SLC25A21: variants seen among roughly 807,000 people sequenced by gnomAD.
The protein encoded by SLC25A21 is solute carrier family 25 member 21, also known as mitochondrial 2-oxodicarboxylate carrier.
In SLC25A21, 47 loss-of-function variants were observed where a neutral mutation model predicts 43.8. The observed-to-expected ratio is 1.07, with a 90% CI of 0.85 to 1.37. The LOEUF (loss-of-function observed/expected upper bound fraction) is 1.37, where lower values mean the gene tolerates loss of function less well. SLC25A21 is among the 40% of genes most tolerant of loss of function. The pLI, the probability that SLC25A21 is intolerant of heterozygous loss-of-function variation, is 0.00. For synonymous variants in SLC25A21, 131 were observed against 121.3 expected, an observed-to-expected ratio of 1.08 and a Z score of -0.52; for missense variants, 352 against 350.2, an observed-to-expected ratio of 1.00 and a Z score of -0.04.
intron 3 of SLC25A21, among the ~76,000 whole-genome samples, chr14:36,735,783 G>A (rs956821178): frequency 1.5e-4 from 23 of 149,140 alleles, no homozygotes; most frequent in East Asian, 5.9e-4. Context: ...TGAGGGCAGC[G>A]CACCCTTTGG....
chr14:37,081,220 A>ATT (rs2138838469), intron 1 of SLC25A21, among the ~76,000 whole-genome samples: 1 of 152,356 alleles, frequency 6.6e-6, no homozygotes, highest in East Asian at 1.9e-4. Flanking sequence ...ATGTTACCTA[A>ATT]GTTAGAACAC....
chr14:36,851,569 C>A (rs958088034), intron 2 of SLC25A21, among the ~76,000 whole-genome samples: 1 of 152,022 alleles, frequency 6.6e-6, no homozygotes, highest in Non-Finnish European at 1.5e-5. Context: ...AATGTTATAT[C>A]CAGGTGTTGG....
intron 7 of SLC25A21, among the ~76,000 whole-genome samples, chr14:36,690,697 G>A (rs1290729182): frequency 1.3e-5 from 2 of 152,126 alleles, no homozygotes; most frequent in Non-Finnish European, 2.9e-5. Flanking sequence ...ACTGAAGTGG[G>A]GGTGTGAAAA....
chr14:37,035,132 T>C (rs1003165013), intron 1 of SLC25A21, among the ~76,000 whole-genome samples: 1 of 152,210 alleles, frequency 6.6e-6, no homozygotes, highest in Non-Finnish European at 1.5e-5. Flanking sequence ...CAGACACGCA[T>C]TTTTGGCAGT....
At chr14:36,892,885 T>C (rs1241069725) in intron 1 of SLC25A21, among the ~76,000 whole-genome samples, 5 of 152,174 alleles carry the variant, frequency 3.3e-5, no homozygotes, top group Admixed American at 2.6e-4. Flanking sequence ...AACTCATCCT[T>C]TTTTATGGCT....
chr14:36,936,282 T>C (rs75305837), intron 1 of SLC25A21, among the ~76,000 whole-genome samples: 7 of 152,274 alleles, frequency 4.6e-5, no homozygotes, highest in Non-Finnish European at 1.0e-4. Flanking sequence ...TGAGCTATTA[T>C]CTCATTAGGA....
chr14:37,000,478 CAG>C (rs929545256), intron 1 of SLC25A21, among the ~76,000 whole-genome samples: 13 of 152,188 alleles, frequency 8.5e-5, no homozygotes, highest in African/African-American at 3.1e-4. Context: ...GTTCCAGGCT[CAG>C]TGGCCTCCTT....
At chr14:37,001,002 C>T (rs536978367) in intron 1 of SLC25A21, among the ~76,000 whole-genome samples, 2 of 152,204 alleles carry the variant, frequency 1.3e-5, no homozygotes, top group African/African-American at 4.8e-5. Flanking sequence ...ACTAATACAC[C>T]TTCTCCGACC....
chr14:36,842,257 G>A lies in SLC25A21; in HGVS notation c.120-28256C>T, dbSNP rs1483244527. 3.3e-5 allele frequency among the ~76,000 whole-genome samples: 5 copies of A among 152,066 alleles called. No individual in the cohort carries two copies. The East Asian group carries it at 7.7e-4, about 24-fold the overall frequency. ...TAACCAATTCCCTGATTTTACCTGG[G>A]GCAATGATATGCCCCAGGGAAAAAT... is the stretch of plus-strand genomic sequence containing the variant. On this transcript the variant is annotated intron_variant, in intron 2 of 9. Coordinates refer to ENST00000331299, the MANE Select transcript of SLC25A21 (RefSeq NM_030631.4).
chr14:36,711,400 G>T lies in SLC25A21; in HGVS notation c.521C>A (p.Ala174Glu), dbSNP rs747776504. 3 of 1,614,044 alleles carry T rather than the reference G, an allele frequency of 1.9e-6. No individual in the cohort carries two copies. Among genetic ancestry groups the T allele is most frequent in the South Asian group, 2.2e-5 (2 of 91,082 alleles). The change falls in exon 7 of 10, where the codon GCA becomes GAA. Residue 174 changes from alanine to glutamate, a missense_variant. Ala to Glu is a moderately radical substitution (Grantham distance 107, BLOSUM62 -1). Coordinates refer to ENST00000331299, the MANE Select transcript of SLC25A21 (RefSeq NM_030631.4). ...GAAAACTCCATGTCGTCCCAAAGTT[G>T]CAGTTAATCCTTTGTTGAGGCCCTG... ...GLQGLNKGLT[A>E]TLGRHGVFNM...
At chr14:36,870,924 G>A (rs1890351007) in intron 2 of SLC25A21, 1 of 152,168 alleles carries the variant, frequency 6.6e-6, no homozygotes, top group Non-Finnish European at 1.5e-5. Context: ...CCTTCTGGTT[G>A]TTTAGGTGTG....
chr14:37,020,183 A>C (rs1960953677), intron 1 of SLC25A21, among the ~76,000 whole-genome samples: 1 of 151,990 alleles, frequency 6.6e-6, no homozygotes, highest in African/African-American at 2.4e-5. Flanking sequence ...GTAGTTAATA[A>C]GAGTAAGTGC....
At chr14:36,929,377 C>T (rs1892224321) in intron 1 of SLC25A21, among the ~76,000 whole-genome samples, 1 of 152,128 alleles carries the variant, frequency 6.6e-6, no homozygotes, top group Non-Finnish European at 1.5e-5. Flanking sequence ...TATAGAGATC[C>T]TCTATTAGGT....
At chr14:36,924,400 A>G (rs1467644875) in intron 1 of SLC25A21, among the ~76,000 whole-genome samples, 1 of 152,176 alleles carries the variant, frequency 6.6e-6, no homozygotes, top group African/African-American at 2.4e-5. Flanking sequence ...GCTGGAAACC[A>G]TCATTCTCAG....
chr14:36,848,152 T>C (rs1889607135), intron 2 of SLC25A21, among the ~76,000 whole-genome samples: 1 of 152,156 alleles, frequency 6.6e-6, no homozygotes. Context: ...GTATTACCCA[T>C]CAGCCTCTAG....
At chr14:36,818,234 G>A (rs1888519063) in intron 2 of SLC25A21, among the ~76,000 whole-genome samples, 1 of 152,144 alleles carries the variant, frequency 6.6e-6, no homozygotes, top group Non-Finnish European at 1.5e-5. Context: ...AAAGGGAGAG[G>A]GGAAATAAAG....
chr14:36,951,965 T>C (rs1473917989), intron 1 of SLC25A21, among the ~76,000 whole-genome samples: 2 of 152,178 alleles, frequency 1.3e-5, no homozygotes, highest in Non-Finnish European at 2.9e-5. Flanking sequence ...CAGGGTGCAG[T>C]GGCTCATGCC....
intron 1 of SLC25A21, among the ~76,000 whole-genome samples, chr14:36,989,662 C>T (rs1251337134): frequency 6.6e-6 from 1 of 152,074 alleles, no homozygotes; most frequent in African/African-American, 2.4e-5. Context: ...GGTTTTTACT[C>T]ATTTGGGGCC....
At chr14:36,844,942 A>G (rs1048618508) in intron 2 of SLC25A21, among the ~76,000 whole-genome samples, 3 of 152,226 alleles carry the variant, frequency 2.0e-5, no homozygotes, top group African/African-American at 7.2e-5. Flanking sequence ...CGTACATGAA[A>G]TGTAATATTC....
Sources: allele counts gnomAD v4.1 joint callset (sites outside exome capture counted in the v4.1 genomes callset), GRCh38; gene constraint gnomAD v4.1.1; transcripts MANE v1.5; gene names NCBI Gene and HGNC (gene_info 2026-07-23, HGNC 2026-07-21).